The following PNLIP variants were observed in gnomAD, a reference collection of about 807,000 sequenced individuals.
The protein encoded by PNLIP is pancreatic lipase.
PNLIP carries 49 observed loss-of-function variants against 57.1 expected under a neutral mutation model. That is an observed-to-expected ratio of 0.86 (90% CI 0.68 to 1.09). PNLIP has a LOEUF of 1.09. Among genes scored for constraint, PNLIP ranks in the 50% least tolerant of loss-of-function variants. The pLI is 0.00. For missense variants in PNLIP, 503 were observed against 570.2 expected (o/e 0.88, Z 1.20); for synonymous variants, 209 against 200.4 (o/e 1.04, Z -0.36).
intron 12 of PNLIP, among the ~76,000 whole-genome samples, chr10:116,563,374 G>A (rs541445407): frequency 5.9e-5 from 9 of 152,082 alleles, no homozygotes; most frequent in African/African-American, 2.2e-4. Flanking sequence ...GAGCATTTTG[G>A]ATTTTTTATT....
At chr10:116,552,959 T>C (rs1847210398) in intron 5 of PNLIP, among the ~76,000 whole-genome samples, 1 of 152,016 alleles carries the variant, frequency 6.6e-6, no homozygotes, top group Non-Finnish European at 1.5e-5. Flanking sequence ...TGTAGAGTAA[T>C]GTACAGTATA....
intron 12 of PNLIP, among the ~76,000 whole-genome samples, chr10:116,566,145 A>G (rs1390133506): frequency 6.6e-6 from 1 of 152,220 alleles, no homozygotes; most frequent in Non-Finnish European, 1.5e-5. Context: ...AGAAGTAGAA[A>G]TAATCCAAAT....
rs182565353 is a variant in PNLIP at position 116,565,781 on chromosome 10, G to A, written c.1335-1954G>A. 3.3e-5 allele frequency among the ~76,000 whole-genome samples: 5 copies of A among 151,388 alleles called. No individual in the cohort carries two copies. In the East Asian group the frequency reaches 9.8e-4, roughly 30 times the overall value. On this transcript the variant is annotated intron_variant, in intron 12 of 12. Coordinates refer to ENST00000369221, the MANE Select transcript of PNLIP (RefSeq NM_000936.4). ...TTACCCATGAGGCAAGAACACATAT[G>A]ATTATACAAAAGATTTGTACATGAA...
At chr10:116,562,804 A>C (rs1847327763) in intron 12 of PNLIP, among the ~76,000 whole-genome samples, 1 of 152,220 alleles carries the variant, frequency 6.6e-6, no homozygotes, top group Non-Finnish European at 1.5e-5. Context: ...TTTATAATTC[A>C]AAGGACACAG....
Position 116,554,788 on chromosome 10 carries a change from C to G in PNLIP, c.572-390C>G, listed in dbSNP as rs1358764343. On this transcript the variant is annotated intron_variant, in intron 6 of 12. Coordinates refer to ENST00000369221, the MANE Select transcript of PNLIP (RefSeq NM_000936.4). ...GTAAATGTTTCTTTCCCACAGCCTG[C>G]TCGGCCAGGTGCTGTGCAGTGAATG... is the stretch of plus-strand genomic sequence containing the variant. 2.6e-5 allele frequency among the ~76,000 whole-genome samples: 4 copies of G among 152,174 alleles called. No individual in the cohort carries two copies. The East Asian group carries it at 7.7e-4, about 29-fold the overall frequency.
rs1847120679 is a variant in PNLIP at position 116,546,133 on chromosome 10, T to C, written c.41T>C (p.Val14Ala). The C allele has an allele frequency of 6.2e-7, 1 of 1,613,010 alleles. No homozygotes were observed. Among genetic ancestry groups the C allele is most frequent in the Non-Finnish European group, 8.5e-7 (1 of 1,178,942 alleles). The change falls in exon 2 of 13, where the codon GTA becomes GCA. Residue 14 changes from valine (V) to alanine (A), a missense_variant. By Grantham distance (64) the Val-to-Ala change is moderately conservative. Coordinates refer to ENST00000369221, the MANE Select transcript of PNLIP (RefSeq NM_000936.4). The part of the protein sequence containing the change: ...LWTLSLLLGA[V>A]AGKEVCYERL... ...ACTCTTTCACTGCTGCTGGGAGCAGTAGCAGGTAAGAAAACAAATAAATGT... is the reference window on the plus strand; with the variant it reads ...ACTCTTTCACTGCTGCTGGGAGCAGCAGCAGGTAAGAAAACAAATAAATGT...
At chr10:116,553,115 A>AT (rs917609910) in intron 5 of PNLIP, among the ~76,000 whole-genome samples, 1 of 151,578 alleles carries the variant, frequency 6.6e-6, no homozygotes, top group East Asian at 1.9e-4. Flanking sequence ...GAATTTTTTT[A>AT]TTTTTTTTCA....
At chr10:116,556,488 A>G (rs1471139612) in intron 9 of PNLIP, among the ~76,000 whole-genome samples, 5 of 152,222 alleles carry the variant, frequency 3.3e-5, no homozygotes, top group African/African-American at 7.2e-5. Flanking sequence ...ATTAATATAT[A>G]ATTATAGACA....
intron 12 of PNLIP, among the ~76,000 whole-genome samples, chr10:116,564,561 A>C (rs1211614319): frequency 2.6e-5 from 4 of 152,218 alleles, no homozygotes; most frequent in African/African-American, 9.6e-5. Context: ...ACCAGGTAGA[A>C]AAGAATTCAC....
chr10:116,553,868 G>A, intron 6 of PNLIP, 30 bp downstream of exon 6: 1 of 1,392,278 alleles, frequency 7.2e-7, no homozygotes, highest in Non-Finnish European at 1.0e-6. Context: ...GATACCAGGG[G>A]GGTTGAGGCA....
chr10:116,558,090 AAAG>A (rs1400952197), intron 9 of PNLIP, among the ~76,000 whole-genome samples: 1 of 152,058 alleles, frequency 6.6e-6, no homozygotes, highest in Non-Finnish European at 1.5e-5. Context: ...TAAAAAAAAA[AAAG>A]AATTGAAAAA....
intron 4 of PNLIP, among the ~76,000 whole-genome samples, chr10:116,549,849 C>T (rs1195010752): frequency 6.6e-6 from 1 of 152,076 alleles, no homozygotes; most frequent in East Asian, 1.9e-4. Flanking sequence ...TTTTGTTCTG[C>T]ATTGATTTGG....
At chr10:116,553,466 A>T (rs1478285841) in intron 5 of PNLIP, among the ~76,000 whole-genome samples, 1 of 152,182 alleles carries the variant, frequency 6.6e-6, no homozygotes, top group East Asian at 1.9e-4. Context: ...TTGGATACAC[A>T]ACTAGTTACG....
At chr10:116,560,276 T>C (rs1589558525) in intron 10 of PNLIP, 140 bp from the exon 11 acceptor site, 4 of 425,208 alleles carry the variant, frequency 9.4e-6, no homozygotes, top group South Asian at 4.7e-5. Flanking sequence ...ATTAGAAAAT[T>C]ACACACACAC....
intron 12 of PNLIP, among the ~76,000 whole-genome samples, chr10:116,562,347 C>A (rs1465055617): frequency 2.0e-5 from 3 of 152,116 alleles, no homozygotes; most frequent in African/African-American, 7.2e-5. Context: ...AAAATTCAAA[C>A]AAAGTACATG....
In PNLIP at chr10:116,548,357, C is replaced by T; in HGVS notation, c.202-3C>T. On this transcript the variant is annotated splice_region_variant and splice_polypyrimidine_tract_variant and intron_variant, in intron 3 of 12. Coordinates refer to ENST00000369221, the MANE Select transcript of PNLIP (RefSeq NM_000936.4). ...GACATGAAACACTTTTCTGTCTAAA[C>T]AGGAAGTTGCCGCAGATTCATCAAG... The T allele has an allele frequency of 6.2e-7, 1 of 1,613,682 alleles. No individual in the cohort carries two copies. Among genetic ancestry groups the T allele is most frequent in the Non-Finnish European group, 8.5e-7 (1 of 1,179,748 alleles).
rs1005638215 is a variant in PNLIP at position 116,548,489 on chromosome 10, T to A, written c.324+7T>A. 6.2e-7 allele frequency: 1 copy of A among 1,612,822 alleles called. No individual in the cohort carries two copies. Among genetic ancestry groups the A allele is most frequent in the Non-Finnish European group, 8.5e-7 (1 of 1,179,416 alleles). On this transcript the variant is annotated splice_region_variant and intron_variant, in intron 4 of 12. Transcript: ENST00000369221. The stretch of plus-strand genomic sequence containing the variant: ...GCTGGCCAATGTGTGCAAGGTGAGA[T>A]GTGGTCATCTCTCAAGGAAAGATCG...
chr10:116,566,465 A>G (rs1012089956), intron 12 of PNLIP, among the ~76,000 whole-genome samples: 1 of 152,052 alleles, frequency 6.6e-6, no homozygotes, highest in African/African-American at 2.4e-5. Flanking sequence ...GGGATGATAG[A>G]TATGTTAATA....
intron 9 of PNLIP, among the ~76,000 whole-genome samples, chr10:116,558,414 T>C (rs1326471860): frequency 6.6e-6 from 1 of 151,770 alleles, no homozygotes; most frequent in Non-Finnish European, 1.5e-5. Flanking sequence ...CAGGATGGTC[T>C]TGATCTCCTG....
Sources: gnomAD v4.1 joint callset for allele counts (sites outside exome capture counted in the v4.1 genomes callset) on GRCh38, gnomAD v4.1.1 for gene constraint, MANE v1.5 for transcripts, NCBI Gene and HGNC (gene_info 2026-07-23, HGNC 2026-07-21) for gene names.